Variants in TNKS1BP1 observed in about 807,000 individuals in gnomAD.
TNKS1BP1 encodes CCR4-NOT transcription complex subunit 12, also known as 182 kDa tankyrase-1-binding protein.
In TNKS1BP1, 48 loss-of-function variants were observed where a neutral mutation model predicts 141.1. The ratio of observed to expected loss-of-function variants is 0.34; its 90% CI spans 0.27 to 0.43. The LOEUF is 0.43. TNKS1BP1 is among the 20% of genes least tolerant of loss of function. The pLI, the probability that TNKS1BP1 is intolerant of heterozygous loss-of-function variation, is 1.00. For synonymous variants in TNKS1BP1, 875 were observed against 898.2 expected (o/e 0.97, Z 0.46); for missense variants, 2,149 against 2,226.0 (o/e 0.97, Z 0.70).
Position 57,302,551 on chromosome 11 carries a change from T to A in TNKS1BP1, c.4591A>T (p.Arg1531Trp), listed in dbSNP as rs535753435. The change falls in exon 7 of 12, where the codon AGG becomes TGG. Residue 1531 changes from arginine to tryptophan, a missense_variant. Transcript: ENST00000358252. The surrounding 1 kb of genome is among the most constrained non-coding windows in gnomAD (Gnocchi z 5.5). ...VDGTWGSSAA[R>W]WSDQGPAQTS... Reference sequence around the variant, plus strand: ...TGTGCTGGCCCCTGATCGCTCCACCTGGCTGCTGAAGAGCCCCAGGTGCCA... The same window carrying A: ...TGTGCTGGCCCCTGATCGCTCCACCAGGCTGCTGAAGAGCCCCAGGTGCCA... The A allele has an allele frequency of 1.2e-5, 20 of 1,613,264 alleles. No homozygotes were observed. The South Asian group carries it at 2.0e-4, about 16-fold the overall frequency.
Position 57,310,073 on chromosome 11 carries a change from C to T in TNKS1BP1, c.2638G>A (p.Asp880Asn). The T allele has an allele frequency of 6.2e-7, 1 of 1,614,240 alleles. No individual in the cohort carries two copies. The highest frequency in any genetic ancestry group is 8.5e-7 in the Non-Finnish European group (1 of 1,180,042). The change falls in exon 6 of 12, where the codon GAT (aspartate) becomes AAT (asparagine). Residue 880 changes from aspartate (D) to asparagine (N), a missense_variant. Coordinates refer to ENST00000358252, the MANE Select transcript of TNKS1BP1 (RefSeq NM_033396.3). ...RDSLGTYSSR[D>N]VSLGDWEFGK... ...AATTCCCAGTCCCCAAGGCTTACATCTCGACTACTGTAGGTACCCAGTGAA... is the reference window on the plus strand; with the variant it reads ...AATTCCCAGTCCCCAAGGCTTACATTTCGACTACTGTAGGTACCCAGTGAA...
At chr11:57,313,964 C>G in intron 4 of TNKS1BP1, 75 bp from the exon 5 acceptor site, 3 of 1,378,512 alleles carry the variant, frequency 2.2e-6, no homozygotes, top group Non-Finnish European at 1.9e-6. Flanking sequence ...CGACCCCACA[C>G]AGACCCCAGG....
In TNKS1BP1 at chr11:57,313,022, C is replaced by T. The variant is rs146929781; in HGVS notation, c.1666G>A (p.Gly556Ser). 2.0e-5 allele frequency: 33 copies of T among 1,613,862 alleles called. No individual in the cohort carries two copies. The African/African-American group carries it at 3.2e-4, about 16-fold the overall frequency. Residue 556 changes from glycine to serine, a missense_variant, in exon 5 of 12, where the codon GGC (glycine) becomes AGC (serine). By Grantham distance (56) the Gly-to-Ser change is moderately conservative. Transcript: ENST00000358252. Reference sequence around the variant, plus strand: ...AATTGAGGTTGACTCTCCCCATCGCCCTTCTGGGTGAGGGACATGCTTGGA... The same window carrying T: ...AATTGAGGTTGACTCTCCCCATCGCTCTTCTGGGTGAGGGACATGCTTGGA... Reference protein sequence around the residue: ...DDPSMSLTQKGDGESQPQFPA... With the variant: ...DDPSMSLTQKSDGESQPQFPA...
rs149022895 is a variant in TNKS1BP1, at chr11:57,301,867, C to G, written c.4911G>C (p.Ser1637=). ...TGACTTTCAGCCCCTTGGTGCCCAA[C>G]GACATCCGTGTCCGGCGGCTCTGAG... ...EEPQSRRTRM[S]LGTKGLKVNL... Residue 1637 remains serine, a synonymous_variant, in exon 9 of 12, where the codon TCG becomes TCC. Transcript: ENST00000358252. 2.5e-6 allele frequency: 4 copies of G among 1,614,062 alleles called. No individual in the cohort carries two copies. The highest frequency in any genetic ancestry group is 3.3e-5 in the Admixed American group (2 of 60,008).
intron 1 of TNKS1BP1, 85 bp from the exon 2 acceptor site, chr11:57,322,035 G>C (rs2134377057): frequency 1.0e-6 from 1 of 988,978 alleles, no homozygotes; most frequent in Non-Finnish European, 1.3e-6. Context: ...ATTTCTAACA[G>C]AGGCAGAGTG....
Position 57,313,116 on chromosome 11 carries a change from C to T in TNKS1BP1, c.1572G>A (p.Val524=), listed in dbSNP as rs1157268048. 2 of 1,613,344 alleles carry T rather than the reference C, an allele frequency of 1.2e-6. No homozygotes were observed. Among genetic ancestry groups the T allele is most frequent in the African/African-American group, 1.3e-5 (1 of 75,068 alleles). The change falls in exon 5 of 12, where the codon GTG becomes GTA. Residue 524 remains valine, a synonymous_variant. Transcript: ENST00000358252. ...ACCCAGCCCCTTGCCCCTGCTGAGA[C>T]ACTCCTTCTTCCCTGCTGGAAACGG... ...NLAVSSREEG[V]SQQGQGAGSA... is the part of the protein sequence containing the mutation.
At position 57,320,185 on chromosome 11, in the gene TNKS1BP1, G is replaced by C. The variant is rs373637914; in HGVS notation, c.622C>G (p.Pro208Ala). Reference sequence around the variant, plus strand: ...AGGGTGCTGCCATCCTCATCCCTGGGAGCAGTGGTCGTGCCATAGGTCCTG... The same window carrying C: ...AGGGTGCTGCCATCCTCATCCCTGGCAGCAGTGGTCGTGCCATAGGTCCTG... ...GPRTYGTTTA[P>A]RDEDGSTLFR... The change falls in exon 3 of 12, where the codon CCC becomes GCC. Residue 208 changes from proline (P) to alanine (A), a missense_variant. By Grantham distance (27) the Pro-to-Ala change is conservative. Coordinates refer to ENST00000358252, the MANE Select transcript of TNKS1BP1 (RefSeq NM_033396.3). 1.2e-6 allele frequency: 2 copies of C among 1,614,064 alleles called. No homozygotes were observed. The highest frequency in any genetic ancestry group is 1.7e-6 in the Non-Finnish European group (2 of 1,180,044).
At chr11:57,300,839 G>C in intron 10 of TNKS1BP1, 45 bp downstream of exon 10, 1 of 1,598,878 alleles carries the variant, frequency 6.3e-7, no homozygotes, top group Non-Finnish European at 8.5e-7. Flanking sequence ...TTTCATCAGG[G>C]TAATACAGTG....
At chr11:57,300,764 G>A in intron 10 of TNKS1BP1, 120 bp downstream of exon 10, 1 of 1,497,352 alleles carries the variant, frequency 6.7e-7, no homozygotes, top group Non-Finnish European at 9.1e-7. Flanking sequence ...TTCATCTGGG[G>A]CATGTCCGAC....
intron 6 of TNKS1BP1, among the ~76,000 whole-genome samples, chr11:57,307,552 A>C (rs1855632426): frequency 6.6e-6 from 1 of 151,036 alleles, no homozygotes; most frequent in Non-Finnish European, 1.5e-5. Flanking sequence ...AACCCCTTCC[A>C]CTTATAAAAG....
At chr11:57,303,956 C>T (rs1383172947) in intron 6 of TNKS1BP1, among the ~76,000 whole-genome samples, 3 of 152,130 alleles carry the variant, frequency 2.0e-5, no homozygotes, top group African/African-American at 7.2e-5. Context: ...CCCTGTCCAG[C>T]GGCCACTCCC....
In TNKS1BP1 at chr11:57,312,973, A is replaced by C; in HGVS notation, c.1715T>G (p.Leu572Arg). The change falls in exon 5 of 12, where the codon CTG (leucine) becomes CGG (arginine). Residue 572 changes from leucine (L) to arginine (R), a missense_variant. Transcript: ENST00000358252. ...TCCAGGTGTGCCCTCAGTTGTAGGC[A>C]GGGGCTCAAGGGGAACAGCTGGGAA... ...PQFPAVPLEPLPTTEGTPGLP... is the reference protein window; with the variant it reads ...PQFPAVPLEPRPTTEGTPGLP... The C allele has an allele frequency of 6.2e-7, 1 of 1,613,898 alleles. No homozygotes were observed. Among genetic ancestry groups the C allele is most frequent in the Non-Finnish European group, 8.5e-7 (1 of 1,180,004 alleles).
chr11:57,309,015 A>G lies in TNKS1BP1; in HGVS notation c.3696T>C (p.Asn1232=). ...VGEKDWTSDV[N]VKSKDLAEVG... ...CCTCAGCCAAATCTTTGCTCTTCAC[A>G]TTAACATCAGAAGTCCAGTCCTTCT... Residue 1232 remains asparagine, a synonymous_variant, in exon 6 of 12, where the codon AAT becomes AAC. Coordinates refer to ENST00000358252, the MANE Select transcript of TNKS1BP1 (RefSeq NM_033396.3). The surrounding 1 kb of genome is among the most constrained non-coding windows in gnomAD (Gnocchi z 4.3). The G allele has an allele frequency of 3.7e-6, 6 of 1,613,984 alleles. No individual in the cohort carries two copies. Among genetic ancestry groups the G allele is most frequent in the Non-Finnish European group, 5.1e-6 (6 of 1,179,988 alleles).
intron 6 of TNKS1BP1, among the ~76,000 whole-genome samples, chr11:57,307,760 T>G (rs543159049): frequency 6.6e-6 from 1 of 152,212 alleles, no homozygotes; most frequent in African/African-American, 2.4e-5. Context: ...TTTTAAAACA[T>G]CCATGAAACA....
chr11:57,307,230 C>G (rs1461137768), intron 6 of TNKS1BP1, among the ~76,000 whole-genome samples: 1 of 152,066 alleles, frequency 6.6e-6, no homozygotes, highest in African/African-American at 2.4e-5. Context: ...CTTCCTGAGT[C>G]AAACCCTGAG....
chr11:57,323,276 G>A (rs7111087), intron 1 of TNKS1BP1, among the ~76,000 whole-genome samples: 3 of 151,990 alleles, frequency 2.0e-5, no homozygotes, highest in Admixed American at 6.5e-5. Flanking sequence ...CCCTAGTCCT[G>A]TCACCTGTTC....
Position 57,308,707 on chromosome 11 carries a change from C to T in TNKS1BP1, c.4004G>A (p.Arg1335Gln), listed in dbSNP as rs373856615. Residue 1335 changes from arginine to glutamine, a missense_variant, in exon 6 of 12, where the codon CGG becomes CAG. Arg to Gln is a conservative substitution (Grantham distance 43, BLOSUM62 1). Transcript: ENST00000358252. The stretch of plus-strand genomic sequence containing the variant: ...GTCCATCTGCCCCACTCCACATCCC[C>T]GTAGCCCCTGAGAACCTCCAGAGTC... The part of the protein sequence containing the change: ...DPDSGGSQGL[R>Q]GCGVGQMDWT... 6.1e-5 allele frequency: 98 copies of T among 1,613,302 alleles called. No individual in the cohort carries two copies. Among genetic ancestry groups the T allele is most frequent in the Admixed American group, 4.7e-4 (28 of 60,022 alleles).
Position 57,320,302 on chromosome 11 carries a change from C to T in TNKS1BP1, c.505G>A (p.Glu169Lys), listed in dbSNP as rs931644257. Residue 169 changes from glutamate to lysine, a missense_variant, in exon 3 of 12, where the codon GAG becomes AAG. By Grantham distance (56) the Glu-to-Lys change is moderately conservative. Transcript: ENST00000358252. ...GCAAGGACCTCCTTCCGAGGCTGCTCCATCTTGGCCAGGATCTCTTCCACC... is the reference window on the plus strand; with the variant it reads ...GCAAGGACCTCCTTCCGAGGCTGCTTCATCTTGGCCAGGATCTCTTCCACC... Reference protein sequence around the residue: ...TTVEEILAKMEQPRKEVLASP... With the variant: ...TTVEEILAKMKQPRKEVLASP... 4 of 1,614,214 alleles carry T rather than the reference C, an allele frequency of 2.5e-6. No individual in the cohort carries two copies. Among genetic ancestry groups the T allele is most frequent in the Non-Finnish European group, 3.4e-6 (4 of 1,180,040 alleles).
At position 57,313,614 on chromosome 11, in the gene TNKS1BP1, G is replaced by C. The variant is rs759668693; in HGVS notation, c.1074C>G (p.Ala358=). The C allele has an allele frequency of 4.4e-6, 7 of 1,593,870 alleles. No individual in the cohort carries two copies. The highest frequency in any genetic ancestry group is 5.1e-6 in the Non-Finnish European group (6 of 1,170,352). ...SRHTPSPGLP[A]EGAPEAPRPS... ...GTCTGGGGGCCTCTGGAGCCCCCTCGGCAGGGAGCCCCGGGCTGGGGGTGT... is the reference window on the plus strand; with the variant it reads ...GTCTGGGGGCCTCTGGAGCCCCCTCCGCAGGGAGCCCCGGGCTGGGGGTGT... The change falls in exon 5 of 12, where the codon GCC becomes GCG. Residue 358 remains alanine (A), a synonymous_variant. Coordinates refer to ENST00000358252, the MANE Select transcript of TNKS1BP1 (RefSeq NM_033396.3).
Sources: allele counts gnomAD v4.1 joint callset (sites outside exome capture counted in the v4.1 genomes callset), GRCh38; gene constraint gnomAD v4.1.1; non-coding constraint Gnocchi (gnomAD v3.1); transcripts MANE v1.5; gene names NCBI Gene and HGNC (gene_info 2026-07-23, HGNC 2026-07-21).